YES1: variants seen among roughly 807,000 people sequenced by gnomAD.
The protein encoded by YES1 is YES proto-oncogene 1, Src family tyrosine kinase.
In YES1, 39 loss-of-function variants were observed where a neutral mutation model predicts 70.4. The ratio of observed to expected loss-of-function variants is 0.55; its 90% CI spans 0.43 to 0.72. The LOEUF (loss-of-function observed/expected upper bound fraction) is 0.72. YES1 is among the 30% of genes least tolerant of loss of function. The pLI is 0.00. For missense variants in YES1, 495 were observed against 644.8 expected (o/e 0.77, Z 2.52); for synonymous variants, 198 against 218.6 (o/e 0.91, Z 0.83).
rs534241658 is a variant in YES1, at chr18:741,162, C to T, written c.1061-1351G>A. On this transcript the variant is annotated intron_variant, in intron 8 of 11. Coordinates refer to ENST00000314574, the MANE Select transcript of YES1 (RefSeq NM_005433.4). ...ATCTGCCTGCCTCGGCCTCCCAAAG[C>T]GCTGGGATTGGAGGCATGAACCACT... Among the ~76,000 whole-genome samples, 15 of 152,198 alleles carry T rather than the reference C, an allele frequency of 9.9e-5. No individual in the cohort carries two copies. The South Asian group carries it at 2.7e-3, about 27-fold the overall frequency.
At chr18:744,569 T>G (rs987740654) in intron 6 of YES1, among the ~76,000 whole-genome samples, 2 of 151,820 alleles carry the variant, frequency 1.3e-5, no homozygotes, top group African/African-American at 4.8e-5. Context: ...TTTTTTATAT[T>G]TTAATAGATA....
At chr18:805,038 C>T (rs773228062) in intron 1 of YES1, among the ~76,000 whole-genome samples, 4 of 151,918 alleles carry the variant, frequency 2.6e-5, no homozygotes, top group Non-Finnish European at 5.9e-5. Flanking sequence ...ATAATCTTTA[C>T]TTATATCTAA....
intron 1 of YES1, among the ~76,000 whole-genome samples, chr18:760,164 G>T (rs576418244): frequency 6.6e-6 from 1 of 152,100 alleles, no homozygotes; most frequent in East Asian, 1.9e-4. Context: ...GTGCAATCTG[G>T]AGACAATTTA....
At chr18:756,973 C>T (rs2080415522) in intron 1 of YES1, 138 bp from the exon 2 acceptor site, 1 of 887,238 alleles carries the variant, frequency 1.1e-6, no homozygotes, top group Non-Finnish European at 1.7e-6. Context: ...AAATAGAAAG[C>T]TGAAAACGAG....
intron 3 of YES1, 43 bp downstream of exon 3, chr18:751,662 A>G (rs2080345346): frequency 7.5e-7 from 1 of 1,327,936 alleles, no homozygotes; most frequent in Non-Finnish European, 1.1e-6. Flanking sequence ...TAAAGACCAG[A>G]TTTCTGTCAG....
chr18:774,815 C>T (rs1905298893), intron 1 of YES1, among the ~76,000 whole-genome samples: 1 of 152,164 alleles, frequency 6.6e-6, no homozygotes, highest in South Asian at 2.1e-4. Flanking sequence ...CAAAGACTTC[C>T]AATTGCACTT....
intron 10 of YES1, among the ~76,000 whole-genome samples, chr18:734,974 A>G (rs1424165495): frequency 6.6e-6 from 1 of 152,120 alleles, no homozygotes; most frequent in Non-Finnish European, 1.5e-5. Flanking sequence ...CGTGGCCAAC[A>G]TGGTGAAACC....
intron 1 of YES1, among the ~76,000 whole-genome samples, chr18:792,139 T>TA (rs1415974852): frequency 6.6e-6 from 1 of 151,948 alleles, no homozygotes; most frequent in Non-Finnish European, 1.5e-5. Context: ...TTCACCATAT[T>TA]AAAAAATAAG....
chr18:786,724 T>C (rs573883464), intron 1 of YES1, among the ~76,000 whole-genome samples: 37 of 152,194 alleles, frequency 2.4e-4, no homozygotes, highest in Admixed American at 8.5e-4. Flanking sequence ...TATGGGAAAA[T>C]AGGATTTGCT....
At chr18:748,939 T>A (rs1298343272) in intron 3 of YES1, among the ~76,000 whole-genome samples, 3 of 152,114 alleles carry the variant, frequency 2.0e-5, no homozygotes, top group Non-Finnish European at 4.4e-5. Flanking sequence ...GGCAGGCAGA[T>A]CACCTGAGGT....
At chr18:757,586 C>T (rs1318421667) in intron 1 of YES1, among the ~76,000 whole-genome samples, 1 of 151,486 alleles carries the variant, frequency 6.6e-6, no homozygotes, top group Admixed American at 6.6e-5. Context: ...TTTGGGATGC[C>T]TAGGCGGACC....
Position 756,623 on chromosome 18 carries a change from T to G in YES1, c.205A>C (p.Thr69Pro). Residue 69 changes from threonine to proline, a missense_variant, in exon 2 of 12, where the codon ACG (threonine) becomes CCG (proline). Thr to Pro is a conservative substitution (Grantham distance 38). Coordinates refer to ENST00000314574, the MANE Select transcript of YES1 (RefSeq NM_005433.4). ...GAGGAAGATGCACCTCCAAAAGGCG[T>G]TACCCCTGAGGATCCTCCAAATGGT... ...MTPFGGSSGVTPFGGASSSFS... is the reference protein window; with the variant it reads ...MTPFGGSSGVPPFGGASSSFS... 1 of 1,614,178 alleles carries G rather than the reference T, an allele frequency of 6.2e-7. No individual in the cohort carries two copies. Among genetic ancestry groups the G allele is most frequent in the East Asian group, 2.2e-5 (1 of 44,874 alleles).
chr18:809,261 T>C (rs1907252382), intron 1 of YES1, among the ~76,000 whole-genome samples: 1 of 152,122 alleles, frequency 6.6e-6, no homozygotes, highest in African/African-American at 2.4e-5. Flanking sequence ...TATTTAGAAA[T>C]TTTTTCCCAA....
intron 6 of YES1, among the ~76,000 whole-genome samples, chr18:743,922 T>C (rs1372861567): frequency 6.7e-6 from 1 of 148,618 alleles, no homozygotes; most frequent in Non-Finnish European, 1.5e-5. Flanking sequence ...AAAAAAAATA[T>C]ATATATATAT....
At chr18:783,234 A>G (rs1905766076) in intron 1 of YES1, among the ~76,000 whole-genome samples, 1 of 152,196 alleles carries the variant, frequency 6.6e-6, no homozygotes, top group Non-Finnish European at 1.5e-5. Context: ...ATAAATAAAT[A>G]AAACATTATA....
At chr18:805,304 T>G (rs764596865) in intron 1 of YES1, among the ~76,000 whole-genome samples, 6 of 152,214 alleles carry the variant, frequency 3.9e-5, no homozygotes, top group Non-Finnish European at 7.4e-5. Context: ...GTAACAGTAT[T>G]TGTGTATTTA....
rs1282380914 is a variant in YES1, at chr18:737,125, C to T, written c.1138-164G>A. 4.9e-6 allele frequency: 3 copies of T among 615,922 alleles called. No homozygotes were observed. The South Asian group carries it at 8.2e-5, about 17-fold the overall frequency. The allele number at this position is 615,922 out of a possible 1,614,324, so 38.2% of individuals were successfully genotyped here. The stretch of plus-strand genomic sequence containing the variant: ...AGAAGATAACAGGAAAACCAGAAAA[C>T]ATAATAAAAATGCAGGCTAAATTCA... On this transcript the variant is annotated intron_variant, in intron 9 of 11. Coordinates refer to ENST00000314574, the MANE Select transcript of YES1 (RefSeq NM_005433.4).
intron 1 of YES1, among the ~76,000 whole-genome samples, chr18:758,602 T>C (rs1279174827): frequency 1.3e-5 from 2 of 152,238 alleles, no homozygotes; most frequent in Admixed American, 6.5e-5. Flanking sequence ...CTTTCACTGA[T>C]GGTCATCACA....
intron 1 of YES1, among the ~76,000 whole-genome samples, chr18:765,247 A>AAT (rs1568204656): frequency 9.0e-4 from 56 of 62,382 alleles, no homozygotes; most frequent in African/African-American, 2.9e-3. Context: ...AAGAGTTACA[A>AAT]CTATATATAT....
Sources: allele counts gnomAD v4.1 joint callset (sites outside exome capture counted in the v4.1 genomes callset), GRCh38; gene constraint gnomAD v4.1.1; transcripts MANE v1.5; gene names NCBI Gene and HGNC (gene_info 2026-07-23, HGNC 2026-07-21).